The following PRR16 variants were observed in gnomAD, a reference collection of about 807,000 sequenced individuals.
PRR16 encodes proline rich 16.
In PRR16, 6 loss-of-function variants were observed where a neutral mutation model predicts 18.2. The observed-to-expected ratio is 0.33, with a 90% CI of 0.18 to 0.65. PRR16 has a LOEUF of 0.65. Among genes scored for constraint, PRR16 ranks in the 30% least tolerant of loss-of-function variants. The pLI is 0.74. For synonymous variants in PRR16, 151 were observed against 147.8 expected, an observed-to-expected ratio of 1.02 and a Z score of -0.16; for missense variants, 412 against 376.6, an observed-to-expected ratio of 1.09 and a Z score of -0.78.
At chr5:120,674,544 A>C (rs1756729803) in intron 1 of PRR16, among the ~76,000 whole-genome samples, 1 of 152,230 alleles carries the variant, frequency 6.6e-6, no homozygotes, top group African/African-American at 2.4e-5. Context: ...CCTCCTGAAG[A>C]AACTGTATTG....
At chr5:120,482,633 T>G (rs1749657555) in intron 1 of PRR16, among the ~76,000 whole-genome samples, 1 of 152,164 alleles carries the variant, frequency 6.6e-6, no homozygotes, top group Non-Finnish European at 1.5e-5. Context: ...TATTTTCTTT[T>G]GGATATATAC....
chr5:120,586,171 C>CAA (rs34272640), intron 1 of PRR16, among the ~76,000 whole-genome samples: 4,070 of 140,658 alleles, frequency 0.029, 167 homozygotes, highest in African/African-American at 0.093. Flanking sequence ...GACTCCATCT[C>CAA]AAAAAAAAAA....
intron 1 of PRR16, among the ~76,000 whole-genome samples, chr5:120,642,224 A>G (rs529271465): frequency 1.3e-5 from 2 of 151,440 alleles, no homozygotes; most frequent in East Asian, 3.9e-4. Context: ...TGCAAATCTG[A>G]TACTGTAATT....
At chr5:120,741,006 T>C in the PRR16 span, among the ~76,000 whole-genome samples, 1 of 152,062 alleles carries the variant, frequency 6.6e-6, no homozygotes, top group Admixed American at 6.5e-5. Context: ...TAATTTTTCT[T>C]TAATTTCTCT....
chr5:120,608,681 C>T (rs9764195), intron 1 of PRR16, among the ~76,000 whole-genome samples: 133,654 of 152,180 alleles, frequency 0.88, 59,071 homozygotes, highest in African/African-American at 0.96. Flanking sequence ...TTATTTTCAA[C>T]TATAGAATTA....
intron 1 of PRR16, among the ~76,000 whole-genome samples, chr5:120,666,129 A>T (rs1343000838): frequency 7.3e-5 from 11 of 151,296 alleles, no homozygotes; most frequent in African/African-American, 2.2e-4. Flanking sequence ...CCTCTTTTAT[A>T]TCATTGAGCA....
chr5:120,690,001 T>C (rs1757191010), downstream of PRR16, among the ~76,000 whole-genome samples: 1 of 152,192 alleles, frequency 6.6e-6, no homozygotes, highest in Non-Finnish European at 1.5e-5. Flanking sequence ...GATTTGACGT[T>C]ATTATATCCA....
At chr5:120,654,363 C>G (rs1755895363) in intron 1 of PRR16, among the ~76,000 whole-genome samples, 1 of 151,948 alleles carries the variant, frequency 6.6e-6, no homozygotes, top group East Asian at 1.9e-4. Context: ...ACCTTTGCTT[C>G]TTTGCATAGG....
At chr5:120,762,214 T>C in the PRR16 span, among the ~76,000 whole-genome samples, 2 of 152,182 alleles carry the variant, frequency 1.3e-5, no homozygotes, top group Non-Finnish European at 2.9e-5. Context: ...TTAATTTCCT[T>C]TCCTTGGATA....
intron 1 of PRR16, among the ~76,000 whole-genome samples, chr5:120,668,273 C>T (rs1433967520): frequency 6.6e-6 from 1 of 151,260 alleles, no homozygotes; most frequent in East Asian, 1.9e-4. Flanking sequence ...ACTAGGATTG[C>T]AACCCCTGCC....
At chr5:120,672,378 G>GA (rs1357088248) in intron 1 of PRR16, among the ~76,000 whole-genome samples, 1 of 151,746 alleles carries the variant, frequency 6.6e-6, no homozygotes, top group South Asian at 2.1e-4. Context: ...TAAGAGAAGT[G>GA]AAAAGAGTGT....
intron 1 of PRR16, among the ~76,000 whole-genome samples, chr5:120,655,408 T>C (rs1187754903): frequency 6.7e-6 from 1 of 150,030 alleles, no homozygotes; most frequent in Non-Finnish European, 1.5e-5. Flanking sequence ...GAGGTTTTTA[T>C]GGTCCCTAAT....
intron 1 of PRR16, among the ~76,000 whole-genome samples, chr5:120,560,023 A>G (rs1561545995): frequency 3.3e-5 from 5 of 151,928 alleles, no homozygotes; most frequent in African/African-American, 1.2e-4. Context: ...GATCAGTTCT[A>G]ATATTTTTCT....
At chr5:120,483,450 T>TACAA (rs1749688465) in intron 1 of PRR16, among the ~76,000 whole-genome samples, 1 of 151,874 alleles carries the variant, frequency 6.6e-6, no homozygotes, top group Admixed American at 6.6e-5. Flanking sequence ...AGGTTCAACA[T>TACAA]ACATACATAC....
intron 1 of PRR16, among the ~76,000 whole-genome samples, chr5:120,588,584 T>G (rs1300083791): frequency 1.3e-5 from 2 of 152,190 alleles, no homozygotes; most frequent in African/African-American, 4.8e-5. Flanking sequence ...GTATGCACAT[T>G]TTTTTAGACA....
intron 1 of PRR16, among the ~76,000 whole-genome samples, chr5:120,484,302 TATATA>T (rs1749717069): frequency 6.8e-6 from 1 of 146,918 alleles, no homozygotes; most frequent in Admixed American, 6.9e-5. Context: ...TTATGTATAA[TATATA>T]ATATATAATT....
chr5:120,487,665 T>C (rs572806933), intron 1 of PRR16, among the ~76,000 whole-genome samples: 2,419 of 152,184 alleles, frequency 0.016, 90 homozygotes, highest in Admixed American at 0.086. Context: ...ATTGCACTGG[T>C]CAGAACTTCC....
At chr5:120,730,831 A>G in the PRR16 span, among the ~76,000 whole-genome samples, 8 of 152,178 alleles carry the variant, frequency 5.3e-5, no homozygotes, top group African/African-American at 1.9e-4. Flanking sequence ...CCCTGAGATG[A>G]TCTTTCTAGC....
chr5:120,531,587 C>T (rs891549399), intron 1 of PRR16: 7 of 151,986 alleles, frequency 4.6e-5, no homozygotes, highest in African/African-American at 1.7e-4. Context: ...TGGTGTTTTC[C>T]TGTATGAAGT....
Sources: gnomAD v4.1 joint callset for allele counts (sites outside exome capture counted in the v4.1 genomes callset) on GRCh38, gnomAD v4.1.1 for gene constraint, MANE v1.5 for transcripts, NCBI Gene and HGNC (gene_info 2026-07-23, HGNC 2026-07-21) for gene names.